AQR: variants seen among roughly 807,000 people sequenced by gnomAD.
AQR encodes aquarius intron-binding spliceosomal factor.
AQR carries 61 observed loss-of-function variants against 180.5 expected under a neutral mutation model. The observed-to-expected ratio is 0.34, with a 90% CI of 0.28 to 0.42. The LOEUF (loss-of-function observed/expected upper bound fraction) is 0.42. Among genes scored for constraint, AQR ranks in the 10% least tolerant of loss-of-function variants. The pLI, the probability that AQR is intolerant of heterozygous loss-of-function variation, is 1.00. For synonymous variants in AQR, 551 were observed against 588.8 expected, an observed-to-expected ratio of 0.94 and a Z score of 0.93; for missense variants, 1,281 against 1,798.3, an observed-to-expected ratio of 0.71 and a Z score of 5.20.
At chr15:34,945,237 T>C (rs1894091991) in intron 5 of AQR, among the ~76,000 whole-genome samples, 1 of 152,236 alleles carries the variant, frequency 6.6e-6, no homozygotes, top group South Asian at 2.1e-4. Context: ...TTAATCTAGA[T>C]ATTCCAAAGG....
intron 33 of AQR, 142 bp downstream of exon 33, chr15:34,862,725 C>T: frequency 1.2e-6 from 1 of 840,042 alleles, no homozygotes; most frequent in Non-Finnish European, 1.8e-6. Context: ...GAAAATCTAC[C>T]TCAGTTCCTC....
At chr15:34,958,036 G>A (rs1377961193) in intron 3 of AQR, among the ~76,000 whole-genome samples, 3 of 151,396 alleles carry the variant, frequency 2.0e-5, no homozygotes, top group African/African-American at 4.8e-5. Flanking sequence ...GTGAAACCCT[G>A]TCTCTACTAA....
At chr15:34,892,629 T>C (rs951885157) in intron 23 of AQR, among the ~76,000 whole-genome samples, 3 of 152,218 alleles carry the variant, frequency 2.0e-5, no homozygotes, top group African/African-American at 7.2e-5. Context: ...TGGGGTTACA[T>C]TCCAATAAAT....
intron 26 of AQR, among the ~76,000 whole-genome samples, chr15:34,884,237 T>C (rs1046531081): frequency 6.6e-6 from 1 of 151,852 alleles, no homozygotes; most frequent in African/African-American, 2.4e-5. Context: ...TGAAACCCTG[T>C]CTCTACTAAA....
Position 34,948,371 on chromosome 15 carries a change from T to A in AQR, c.223A>T (p.Asn75Tyr). ...MLLEFSQYLE[N>Y]YLWMNYSPEV... is the part of the protein sequence containing the mutation. ...GGAGAATAATTCATCCAGAGATAAT[T>A]TTCAAGATACTGGCTGTAAAGAGTA... is the stretch of plus-strand genomic sequence containing the variant. Residue 75 changes from asparagine to tyrosine, a missense_variant, in exon 5 of 35, where the codon AAT becomes TAT. Physicochemically the swap from Asn to Tyr is moderately radical, Grantham distance 143 (BLOSUM62 -2). Around this residue, in one of 9 missense-constraint regions of AQR, gnomAD observed 404 missense variants for 490.9 expected, o/e 0.82. Coordinates refer to ENST00000156471, the MANE Select transcript of AQR (RefSeq NM_014691.3). 1 of 1,612,644 alleles carries A rather than the reference T, an allele frequency of 6.2e-7. No homozygotes were observed. The highest frequency in any genetic ancestry group is 8.5e-7 in the Non-Finnish European group (1 of 1,179,894).
At chr15:34,866,320 G>T (rs1168293930) in intron 32 of AQR, among the ~76,000 whole-genome samples, 1 of 152,084 alleles carries the variant, frequency 6.6e-6, no homozygotes, top group Non-Finnish European at 1.5e-5. Context: ...CCATGAAGAA[G>T]TTGGAGTTTC....
rs529436481 is a variant in AQR at position 34,879,638 on chromosome 15, A to C, written c.3165+2864T>G. 1.7e-4 allele frequency among the ~76,000 whole-genome samples: 26 copies of C among 152,262 alleles called. No individual in the cohort carries two copies. The South Asian group carries it at 5.2e-3, about 30-fold the overall frequency. On this transcript the variant is annotated intron_variant, in intron 27 of 34. Transcript: ENST00000156471. ...TTTTTTCCCTCAAAAACCTGGTGTT[A>C]GAGTATTGGCTTCTAGTGCACTGAG...
intron 32 of AQR, among the ~76,000 whole-genome samples, 174 bp downstream of exon 32, chr15:34,867,350 G>T (rs1892749824): frequency 1.3e-5 from 2 of 152,200 alleles, no homozygotes; most frequent in Admixed American, 1.3e-4. Context: ...AAATCCAGCA[G>T]CAATGAGAAT....
intron 12 of AQR, among the ~76,000 whole-genome samples, chr15:34,929,905 A>G (rs1028586594): frequency 6.6e-6 from 1 of 152,194 alleles, no homozygotes; most frequent in African/African-American, 2.4e-5. Context: ...CAGTCCCATC[A>G]TATGTGTTCA....
chr15:34,896,225 T>A (rs959072108), intron 22 of AQR, among the ~76,000 whole-genome samples: 3 of 152,190 alleles, frequency 2.0e-5, no homozygotes, highest in African/African-American at 7.2e-5. Context: ...AAAGTGGCCA[T>A]AAGCAATGCA....
intron 16 of AQR, among the ~76,000 whole-genome samples, chr15:34,914,421 T>A (rs532737836): frequency 6.6e-6 from 1 of 152,316 alleles, no homozygotes; most frequent in East Asian, 1.9e-4. Context: ...GTGGAGTTTA[T>A]GCAGAAGAAT....
At chr15:34,875,087 A>G (rs79481229) in intron 28 of AQR, among the ~76,000 whole-genome samples, 5,091 of 152,172 alleles carry the variant, frequency 0.033, 315 homozygotes, top group African/African-American at 0.12. Flanking sequence ...GAATGGAGGT[A>G]TTTAGAAGGC....
chr15:34,938,836 C>T (rs781669885), intron 8 of AQR, 23 bp from the exon 9 acceptor site: 3 of 1,533,566 alleles, frequency 2.0e-6, no homozygotes, highest in Non-Finnish European at 2.7e-6. Flanking sequence ...AGAACATTGA[C>T]CAATTATTTT....
At chr15:34,953,689 G>A (rs1196169514) in intron 3 of AQR, among the ~76,000 whole-genome samples, 4 of 152,206 alleles carry the variant, frequency 2.6e-5, no homozygotes, top group Admixed American at 1.3e-4. Flanking sequence ...CATCTTGAGT[G>A]ACACACTCTA....
At chr15:34,923,117 T>G (rs8034976) in intron 13 of AQR, among the ~76,000 whole-genome samples, 342 of 152,264 alleles carry the variant, frequency 2.2e-3, no homozygotes, top group African/African-American at 8.1e-3. Context: ...TCGCATAACT[T>G]TTATTATAGT....
At chr15:34,930,843 TTTTTTTG>T in intron 11 of AQR, among the ~76,000 whole-genome samples, 1 of 35,128 alleles carries the variant, frequency 2.8e-5, no homozygotes, top group African/African-American at 7.6e-5. Flanking sequence ...TTTTTTTTTT[TTTTTTTG>T]GTCTGAGACG....
rs1892866269 is a variant in AQR, at chr15:34,874,608, T to C, written c.3425+69A>G. 2.5e-6 allele frequency: 4 copies of C among 1,570,576 alleles called. No homozygotes were observed. In the East Asian group the frequency reaches 9.0e-5, roughly 35 times the overall value. ...ATGCTAATAGTCTACACAAAAGCTA[T>C]TCACAAATACTTGGATCATGGAACA... On this transcript the variant is annotated intron_variant, in intron 29 of 34. Coordinates refer to ENST00000156471, the MANE Select transcript of AQR (RefSeq NM_014691.3).
Position 34,860,161 on chromosome 15 carries a change from A to G in AQR, c.4030-6T>C. 1 of 1,444,866 alleles carries G rather than the reference A, an allele frequency of 6.9e-7. No homozygotes were observed. The highest frequency in any genetic ancestry group is 9.3e-7 in the Non-Finnish European group (1 of 1,073,856). The allele number at this position is 1,444,866 out of a possible 1,614,324, so 89.5% of individuals were successfully genotyped here. A position where few individuals can be genotyped will look rare whatever the true frequency, so the allele number is the denominator to read the frequency against. On this transcript the variant is annotated splice_polypyrimidine_tract_variant and splice_region_variant and intron_variant, in intron 33 of 34. Coordinates refer to ENST00000156471, the MANE Select transcript of AQR (RefSeq NM_014691.3). ...TGAGATGGTCTCTCTCCATTCTAGAAGAAGGAAAAAAGAACGTTAAGTATC... is the reference window on the plus strand; with the variant it reads ...TGAGATGGTCTCTCTCCATTCTAGAGGAAGGAAAAAAGAACGTTAAGTATC...
At chr15:34,894,027 T>C (rs1666857627) in intron 22 of AQR, among the ~76,000 whole-genome samples, 1 of 151,906 alleles carries the variant, frequency 6.6e-6, no homozygotes, top group Non-Finnish European at 1.5e-5. Flanking sequence ...AGTCTAACAC[T>C]CATGTCAACA....
Sources: gnomAD v4.1 joint callset for allele counts (sites outside exome capture counted in the v4.1 genomes callset) on GRCh38, gnomAD v4.1.1 for gene constraint, gnomAD v4.1.1 regional missense constraint, MANE v1.5 for transcripts, NCBI Gene and HGNC (gene_info 2026-07-23, HGNC 2026-07-21) for gene names.